Variants in LUZP2 observed in about 807,000 individuals in gnomAD.
LUZP2 encodes the protein leucine zipper protein 2.
Under a neutral mutation model 51.6 loss-of-function variants are expected in LUZP2, and 52 were observed. The observed-to-expected ratio is 1.01, with a 90% CI of 0.81 to 1.27. The LOEUF is 1.27. LUZP2 is among the 50% of genes most tolerant of loss of function. LUZP2 has a pLI of 0.00. For missense variants in LUZP2, 436 were observed against 395.4 expected (o/e 1.10, Z -0.87); for synonymous variants, 154 against 137.3 (o/e 1.12, Z -0.85).
At chr11:24,684,915 G>C (rs1482162625) in intron 1 of LUZP2, among the ~76,000 whole-genome samples, 1 of 152,148 alleles carries the variant, frequency 6.6e-6, no homozygotes, top group South Asian at 2.1e-4. Flanking sequence ...CAGCCTTCCT[G>C]GATTTCGGTA....
chr11:24,588,263 A>G (rs1042950403), intron 1 of LUZP2, among the ~76,000 whole-genome samples: 2 of 152,038 alleles, frequency 1.3e-5, no homozygotes, highest in Non-Finnish European at 2.9e-5. Flanking sequence ...CACAGAAGAG[A>G]AAGTCAGGAA....
At chr11:25,047,865 T>A (rs10219420) in intron 9 of LUZP2, among the ~76,000 whole-genome samples, 1 of 152,100 alleles carries the variant, frequency 6.6e-6, no homozygotes, top group African/African-American at 2.4e-5. Context: ...CTATGCCGGG[T>A]AAGAGTGCAG....
intron 5 of LUZP2, among the ~76,000 whole-genome samples, chr11:24,878,099 T>C (rs1852330962): frequency 8.5e-6 from 1 of 118,132 alleles, no homozygotes; most frequent in African/African-American, 3.1e-5. Flanking sequence ...TAATATTCTG[T>C]GTTTTTTTTT....
At chr11:24,914,360 T>G in intron 6 of LUZP2, 116 bp from the exon 7 acceptor site, 2 of 743,130 alleles carry the variant, frequency 2.7e-6, no homozygotes, top group South Asian at 3.3e-5. Context: ...CTAAACTGGT[T>G]GGACTGTGCT....
intron 5 of LUZP2, among the ~76,000 whole-genome samples, chr11:24,824,221 C>T (rs1466356455): frequency 1.9e-4 from 29 of 150,828 alleles, no homozygotes; most frequent in Admixed American, 1.9e-3. Context: ...AAAAAATTAG[C>T]CGGGCATGGT....
At chr11:24,788,002 T>A (rs187071737) in intron 5 of LUZP2, among the ~76,000 whole-genome samples, 1 of 152,042 alleles carries the variant, frequency 6.6e-6, no homozygotes, top group Admixed American at 6.6e-5. Context: ...GTAAACTTTT[T>A]TGTAAAACAT....
At chr11:24,574,953 C>T (rs552207099) in intron 1 of LUZP2, among the ~76,000 whole-genome samples, 6 of 152,168 alleles carry the variant, frequency 3.9e-5, no homozygotes, top group African/African-American at 1.4e-4. Flanking sequence ...CAGAAAGAAA[C>T]TGATGTAATG....
At chr11:25,058,229 T>C (rs1181333838) in intron 10 of LUZP2, among the ~76,000 whole-genome samples, 1 of 152,098 alleles carries the variant, frequency 6.6e-6, no homozygotes, top group African/African-American at 2.4e-5. Context: ...CCAATGGTCT[T>C]TGGAAAAATG....
chr11:24,713,166 G>A (rs571452829), intron 1 of LUZP2, among the ~76,000 whole-genome samples: 1 of 152,274 alleles, frequency 6.6e-6, no homozygotes, highest in South Asian at 2.1e-4. Context: ...ACAAAGAAAT[G>A]TGTCTGAACA....
rs145123711 is a variant in LUZP2 at position 24,705,954 on chromosome 11, T to C, written c.63-23215T>C. On this transcript the variant is annotated intron_variant, in intron 1 of 11. Coordinates refer to ENST00000336930, the MANE Select transcript of LUZP2 (RefSeq NM_001009909.4). ...AAAAGAAAAAAAAAAAAAAGGTGTG[T>C]CTGAAGCTTCTCCCTGCCTATTTAG... Among the ~76,000 whole-genome samples, 400 of 149,334 alleles carry C rather than the reference T, an allele frequency of 2.7e-3. 1 individual carries two copies. The highest frequency in any genetic ancestry group is 9.4e-3 in the African/African-American group (385 of 40,858).
intron 9 of LUZP2, among the ~76,000 whole-genome samples, chr11:25,019,713 T>A (rs996395252): frequency 1.3e-5 from 2 of 152,200 alleles, no homozygotes; most frequent in Non-Finnish European, 2.9e-5. Flanking sequence ...TGAATGATTA[T>A]CTAATATGTT....
chr11:24,877,483 A>G (rs1462964845), intron 5 of LUZP2, among the ~76,000 whole-genome samples: 3 of 152,092 alleles, frequency 2.0e-5, no homozygotes, highest in East Asian at 1.9e-4. Flanking sequence ...GTAAGTATAT[A>G]TATTTGTGGG....
At chr11:24,929,440 G>T (rs1854379199) in intron 7 of LUZP2, among the ~76,000 whole-genome samples, 2 of 151,974 alleles carry the variant, frequency 1.3e-5, no homozygotes, top group Admixed American at 6.6e-5. Context: ...TCAGTTCAAA[G>T]AATTTTTAAA....
intron 5 of LUZP2, among the ~76,000 whole-genome samples, chr11:24,799,712 C>T (rs958700378): frequency 6.6e-6 from 1 of 152,094 alleles, no homozygotes; most frequent in African/African-American, 2.4e-5. Flanking sequence ...TAAGTTTCCT[C>T]ATCCAAAAAA....
chr11:25,040,343 ATTT>A (rs57668112), intron 9 of LUZP2, among the ~76,000 whole-genome samples: 45,537 of 99,086 alleles, frequency 0.46, 10,831 homozygotes, highest in East Asian at 0.75. Flanking sequence ...TTTCTTTCCG[ATTT>A]TTTTTTTTTT....
At chr11:24,525,270 A>C (rs1163644119) in intron 1 of LUZP2, among the ~76,000 whole-genome samples, 1 of 151,722 alleles carries the variant, frequency 6.6e-6, no homozygotes, top group Non-Finnish European at 1.5e-5. Flanking sequence ...GAGGAAGAAC[A>C]TTAGGCACAT....
intron 5 of LUZP2, among the ~76,000 whole-genome samples, chr11:24,840,485 G>A (rs942139102): frequency 1.3e-5 from 2 of 151,806 alleles, no homozygotes; most frequent in African/African-American, 2.4e-5. Flanking sequence ...AGATGGGAAA[G>A]CACTAAATAA....
intron 1 of LUZP2, among the ~76,000 whole-genome samples, chr11:24,627,775 G>T (rs924432426): frequency 6.6e-6 from 1 of 152,108 alleles, no homozygotes; most frequent in Non-Finnish European, 1.5e-5. Flanking sequence ...AGCCTTACAA[G>T]GTCATGCCAC....
At chr11:24,717,536 T>C (rs531549993) in intron 1 of LUZP2, among the ~76,000 whole-genome samples, 1 of 151,246 alleles carries the variant, frequency 6.6e-6, no homozygotes, top group Non-Finnish European at 1.5e-5. Context: ...GCTTTCCGAG[T>C]AGCTGGGACT....
Sources: allele counts gnomAD v4.1 joint callset (sites outside exome capture counted in the v4.1 genomes callset), GRCh38; gene constraint gnomAD v4.1.1; transcripts MANE v1.5; gene names NCBI Gene and HGNC (gene_info 2026-07-23, HGNC 2026-07-21).